PCDHA4: variants seen among roughly 807,000 people sequenced by gnomAD.
PCDHA4 encodes protocadherin alpha-4.
PCDHA4 carries 49 observed loss-of-function variants against 61.4 expected under a neutral mutation model. The ratio of observed to expected loss-of-function variants is 0.80; its 90% CI spans 0.63 to 1.01. PCDHA4 has a LOEUF of 1.01. Ranked by LOEUF, PCDHA4 falls within the 50% of genes least tolerant of loss-of-function variation. The probability of loss-of-function intolerance (pLI) is 0.00; values close to 1 mark genes in which losing one functional copy is unlikely to be tolerated. For missense variants in PCDHA4, 1,254 were observed against 1,235.8 expected, an observed-to-expected ratio of 1.01 and a Z score of -0.22; for synonymous variants, 590 against 550.3, an observed-to-expected ratio of 1.07 and a Z score of -1.01.
intron 3 of PCDHA4, among the ~76,000 whole-genome samples, chr5:141,004,093 C>T (rs1016954345): frequency 1.3e-5 from 2 of 152,164 alleles, no homozygotes; most frequent in African/African-American, 4.8e-5. Flanking sequence ...GTGCTTCTTC[C>T]GTTTTCATCT....
chr5:140,810,382 G>A (rs1475774431), intron 1 of PCDHA4: 1 of 152,156 alleles, frequency 6.6e-6, no homozygotes, highest in Non-Finnish European at 1.5e-5. Context: ...GAATATGTGT[G>A]TATCTTTGTC....
intron 1 of PCDHA4, chr5:140,841,143 T>C (rs1298799618): frequency 4.1e-6 from 3 of 736,926 alleles, no homozygotes; most frequent in Non-Finnish European, 4.3e-6. Flanking sequence ...AGCCACATGA[T>C]GTCGCTGTCT....
At chr5:140,946,474 A>G (rs2093947876) in intron 1 of PCDHA4, among the ~76,000 whole-genome samples, 1 of 151,798 alleles carries the variant, frequency 6.6e-6, no homozygotes, top group Non-Finnish European at 1.5e-5. Context: ...ACTACTGGGT[A>G]TATATCCAAA....
intron 1 of PCDHA4, chr5:140,969,441 G>T (rs1554231808): frequency 1.9e-6 from 3 of 1,543,640 alleles, no homozygotes; most frequent in Non-Finnish European, 2.6e-6. Flanking sequence ...GAGTTATCTG[G>T]TAAACTGAGT....
chr5:140,881,724 A>C (rs1165848100), intron 1 of PCDHA4, among the ~76,000 whole-genome samples: 1 of 152,194 alleles, frequency 6.6e-6, no homozygotes, highest in Admixed American at 6.5e-5. Flanking sequence ...GAGGTCTTGA[A>C]AAATATTACA....
chr5:140,910,845 G>T (rs1448971238), intron 1 of PCDHA4, among the ~76,000 whole-genome samples: 1 of 152,090 alleles, frequency 6.6e-6, no homozygotes, highest in Admixed American at 6.5e-5. Flanking sequence ...CAATGCCTTG[G>T]ATCTATGTTC....
In PCDHA4 at chr5:140,843,148, T is replaced by G. The variant is rs2150353872; in HGVS notation, c.2385+33576T>G. On this transcript the variant is annotated intron_variant, in intron 1 of 3. Transcript: ENST00000530339. ...CGGGCTACAACGCGTGGCTTTCGTA[T>G]GAGCTGCAGCCAGCTGCAAGCAGCC... is the stretch of plus-strand genomic sequence containing the variant. The G allele has an allele frequency of 1.9e-5, 30 of 1,595,940 alleles. 4 individuals are homozygous for G. The highest frequency in any genetic ancestry group is 2.5e-5 in the Non-Finnish European group (29 of 1,165,574).
chr5:141,005,701 C>CAAAAAA (rs59860837), intron 3 of PCDHA4, among the ~76,000 whole-genome samples: 13 of 7,792 alleles, frequency 1.7e-3, no homozygotes, highest in East Asian at 3.2e-3. Context: ...AACTCCGTCT[C>CAAAAAA]AAAAAAAAAA....
At chr5:140,828,136 C>A (rs936364862) in intron 1 of PCDHA4, 3 of 1,613,852 alleles carry the variant, frequency 1.9e-6, no homozygotes, top group Non-Finnish European at 2.5e-6. Context: ...AATGTCTGCT[C>A]CTCCCGCTTC....
intron 1 of PCDHA4, among the ~76,000 whole-genome samples, chr5:140,941,409 C>T (rs1284702446): frequency 2.7e-5 from 4 of 149,924 alleles, no homozygotes; most frequent in Admixed American, 1.3e-4. Flanking sequence ...CTCCGCCTCC[C>T]GGGTTCAAGC....
chr5:140,943,719 T>C (rs1198620937), intron 1 of PCDHA4, among the ~76,000 whole-genome samples: 2 of 152,126 alleles, frequency 1.3e-5, no homozygotes, highest in Non-Finnish European at 2.9e-5. Context: ...TTTAAAGGTC[T>C]GAGAGAATGA....
At chr5:140,969,821 T>C (rs1358078633) in intron 1 of PCDHA4, among the ~76,000 whole-genome samples, 3 of 152,250 alleles carry the variant, frequency 2.0e-5, no homozygotes, top group Non-Finnish European at 4.4e-5. Flanking sequence ...TACTCTGGAC[T>C]GTCTACAGTG....
chr5:140,827,876 G>C (rs2150149560), intron 1 of PCDHA4: 2 of 646,280 alleles, frequency 3.1e-6, no homozygotes, highest in Non-Finnish European at 5.3e-6. Flanking sequence ...GCACTGTTAC[G>C]TGAATTGATT....
At chr5:140,921,965 A>T (rs1459699467) in intron 1 of PCDHA4, among the ~76,000 whole-genome samples, 1 of 152,112 alleles carries the variant, frequency 6.6e-6, no homozygotes. Flanking sequence ...AGAAAACCAA[A>T]GGAAAAAATA....
At chr5:140,855,892 G>C in intron 1 of PCDHA4, 2 of 1,011,396 alleles carry the variant, frequency 2.0e-6, no homozygotes, top group Non-Finnish European at 2.9e-6. Context: ...TAGAACAAAG[G>C]CATCAGCCAG....
chr5:140,808,883 C>T lies in PCDHA4; in HGVS notation c.1696C>T (p.Leu566=). The change falls in exon 1 of 4, where the codon CTA becomes TTA. Residue 566 remains leucine, a synonymous_variant. Coordinates refer to ENST00000530339, the MANE Select transcript of PCDHA4 (RefSeq NM_018907.4). ...CGAAAACGACAACGCGCCAGCACTG[C>T]TAGCGCCTCGGGCGGGTGGCACTGG... The part of the protein sequence containing the change: ...LDENDNAPAL[L]APRAGGTGGA... 6.2e-7 allele frequency: 1 copy of T among 1,613,364 alleles called. No individual in the cohort carries two copies.
chr5:140,897,389 C>G (rs1212817070), intron 1 of PCDHA4, among the ~76,000 whole-genome samples: 1 of 139,546 alleles, frequency 7.2e-6, no homozygotes, highest in Non-Finnish European at 1.5e-5. Context: ...CTTCCTGTGT[C>G]CATGTGTTCT....
In PCDHA4 at chr5:140,971,961, T is replaced by C. The variant is rs1412814726; in HGVS notation, c.2386-6988T>C. ...TGTATCCATCTGACTCCAAAAACTT[T>C]TTTTCAATACTATGAGTAGACAGAA... On this transcript the variant is annotated intron_variant, in intron 1 of 3. Transcript: ENST00000530339. 2.0e-5 allele frequency among the ~76,000 whole-genome samples: 3 copies of C among 152,144 alleles called. No homozygotes were observed. The East Asian group carries it at 5.8e-4, about 29-fold the overall frequency.
Position 140,871,201 on chromosome 5 carries a change from A to G in PCDHA4, c.2385+61629A>G, listed in dbSNP as rs561860727. ...GCTGGTGGATGTCAACGTGTACCTGATCATCGCCATCTGCGTGGTGTCCAG... is the reference window on the plus strand; with the variant it reads ...GCTGGTGGATGTCAACGTGTACCTGGTCATCGCCATCTGCGTGGTGTCCAG... On this transcript the variant is annotated intron_variant, in intron 1 of 3. Coordinates refer to ENST00000530339, the MANE Select transcript of PCDHA4 (RefSeq NM_018907.4). The G allele has an allele frequency of 3.3e-5, 54 of 1,613,672 alleles. 1 individual carries two copies. The Admixed American group carries it at 7.2e-4, about 21-fold the overall frequency.
Sources: gnomAD v4.1 joint callset for allele counts (sites outside exome capture counted in the v4.1 genomes callset) on GRCh38, gnomAD v4.1.1 for gene constraint, MANE v1.5 for transcripts, NCBI Gene and HGNC (gene_info 2026-07-23, HGNC 2026-07-21) for gene names.